Variants in RARB observed in about 807,000 individuals in gnomAD.
RARB encodes the protein HBV-activated protein.
In RARB, 17 loss-of-function variants were observed where a neutral mutation model predicts 51.9. The ratio of observed to expected loss-of-function variants is 0.33; its 90% CI spans 0.22 to 0.49. The LOEUF (loss-of-function observed/expected upper bound fraction) is 0.49. RARB is among the 20% of genes least tolerant of loss of function. The probability of loss-of-function intolerance (pLI) is 0.99; values close to 1 mark genes in which losing one functional copy is unlikely to be tolerated. For synonymous variants in RARB, 215 were observed against 195.4 expected (o/e 1.10, Z -0.84); for missense variants, 369 against 550.8 (o/e 0.67, Z 3.30).
intron 2 of RARB, among the ~76,000 whole-genome samples, chr3:24,947,634 G>A (rs1695803302): frequency 1.3e-5 from 2 of 152,302 alleles, no homozygotes; most frequent in South Asian, 4.2e-4. Context: ...ACAGTGGTAT[G>A]TGTCAAAGAT....
intron 2 of RARB, among the ~76,000 whole-genome samples, chr3:25,478,440 T>C (rs936899165): frequency 1.3e-5 from 2 of 152,324 alleles, no homozygotes. Context: ...TATGCATCTC[T>C]GTGCCCTCGG....
chr3:25,577,826 T>G (rs1390513133), intron 4 of RARB, among the ~76,000 whole-genome samples: 4 of 152,118 alleles, frequency 2.6e-5, no homozygotes. Flanking sequence ...TGGGCTTTTC[T>G]GCTGCTTAAG....
intron 3 of RARB, among the ~76,000 whole-genome samples, chr3:25,531,477 G>A (rs775338630): frequency 4.6e-5 from 7 of 152,110 alleles, no homozygotes; most frequent in Middle Eastern, 3.2e-3. Flanking sequence ...GTGTGCGTGC[G>A]TGTGTATATC....
At chr3:24,844,248 C>T (rs920864073) in intron 1 of RARB, among the ~76,000 whole-genome samples, 2 of 152,212 alleles carry the variant, frequency 1.3e-5, no homozygotes, top group Non-Finnish European at 2.9e-5. Context: ...AAAGCTGTCA[C>T]ATGCGTGCAG....
Position 25,400,036 on chromosome 3 carries a change from A to G in RARB, c.179-61157A>G, listed in dbSNP as rs148064170. Among the ~76,000 whole-genome samples the G allele has an allele frequency of 4.7e-3, 717 of 152,356 alleles. 3 individuals are homozygous for G. Among genetic ancestry groups the G allele is most frequent in the African/African-American group, 0.017 (686 of 41,572 alleles). ...CTAAAGAGTTAATGAGGTAATATAT[A>G]TAATATGCTTAGAATAATGCCAGGC... On this transcript the variant is annotated intron_variant, in intron 5 of 11. Coordinates refer to the RARB transcript ENST00000383772.
At position 25,140,775 on chromosome 3, in the gene RARB, C is replaced by A. The variant is rs545717984; in HGVS notation, c.-280+8567C>A. ...AGGGTATAGAAAACTTCATTATTAT[C>A]TTTTTTTAAGAAATTGCCACAGCCA... On this transcript the variant is annotated intron_variant, in intron 4 of 11. Transcript: ENST00000383772. 2.0e-3 allele frequency among the ~76,000 whole-genome samples: 302 copies of A among 152,142 alleles called. 1 individual carries two copies. The highest frequency in any genetic ancestry group is 7.1e-3 in the African/African-American group (294 of 41,506).
chr3:25,432,602 G>A (rs1017785015), intron 1 of RARB, among the ~76,000 whole-genome samples: 3 of 152,024 alleles, frequency 2.0e-5, no homozygotes, highest in South Asian at 2.1e-4. Flanking sequence ...TCTCTAAAGC[G>A]TAAGAATAAA....
At chr3:25,423,243 G>A (rs942420377) in intron 5 of RARB, among the ~76,000 whole-genome samples, 8 of 152,196 alleles carry the variant, frequency 5.3e-5, no homozygotes, top group East Asian at 1.9e-4. Context: ...TCCAGCAGAC[G>A]TATTGGTGCA....
At chr3:25,337,160 C>T (rs536480105) in intron 5 of RARB, among the ~76,000 whole-genome samples, 20 of 152,192 alleles carry the variant, frequency 1.3e-4, no homozygotes, top group African/African-American at 4.8e-4. Context: ...GTACATTTTG[C>T]TCATCTATGG....
intron 5 of RARB, among the ~76,000 whole-genome samples, chr3:25,581,194 T>C (rs1307369302): frequency 2.6e-5 from 4 of 152,204 alleles, no homozygotes; most frequent in African/African-American, 9.7e-5. Flanking sequence ...AGTGCGTTCG[T>C]GTGCTTAATT....
At chr3:25,044,971 C>G (rs1698184117) in intron 2 of RARB, among the ~76,000 whole-genome samples, 1 of 152,192 alleles carries the variant, frequency 6.6e-6, no homozygotes, top group African/African-American at 2.4e-5. Flanking sequence ...ACCTTACAAT[C>G]AAAGTCCTCC....
chr3:25,172,786 T>C (rs1700669508), intron 4 of RARB, among the ~76,000 whole-genome samples: 1 of 152,238 alleles, frequency 6.6e-6, no homozygotes, highest in South Asian at 2.1e-4. Context: ...ACCAAGCGTT[T>C]ACTATTTACC....
intron 5 of RARB, among the ~76,000 whole-genome samples, chr3:25,380,153 G>A (rs143051026): frequency 6.6e-6 from 1 of 152,250 alleles, no homozygotes; most frequent in East Asian, 1.9e-4. Flanking sequence ...TAATGGGAAA[G>A]GGAAAGAATA....
intron 5 of RARB, among the ~76,000 whole-genome samples, chr3:25,338,610 GA>G (rs2125449369): frequency 6.6e-6 from 1 of 152,078 alleles, no homozygotes; most frequent in African/African-American, 2.4e-5. Flanking sequence ...AAGTTCAAAA[GA>G]AAAGATTCAG....
chr3:25,552,937 C>T (rs543772869), intron 3 of RARB, among the ~76,000 whole-genome samples: 2 of 152,152 alleles, frequency 1.3e-5, no homozygotes, highest in East Asian at 1.9e-4. Flanking sequence ...AATATAAATA[C>T]GTATTCCAGT....
At chr3:25,367,683 G>A (rs1026956461) in intron 5 of RARB, among the ~76,000 whole-genome samples, 7 of 150,428 alleles carry the variant, frequency 4.7e-5, no homozygotes, top group Admixed American at 2.0e-4. Context: ...AAAATTAGCC[G>A]CATATGGGGG....
chr3:25,393,020 T>G (rs1707014714), intron 5 of RARB, among the ~76,000 whole-genome samples: 1 of 152,146 alleles, frequency 6.6e-6, no homozygotes, highest in Non-Finnish European at 1.5e-5. Flanking sequence ...ATGTTGGCTG[T>G]GGGTTTGTCA....
intron 5 of RARB, among the ~76,000 whole-genome samples, chr3:25,382,714 C>T (rs1484590565): frequency 6.6e-6 from 1 of 152,020 alleles, no homozygotes; most frequent in Admixed American, 6.6e-5. Flanking sequence ...AAGAATTAGC[C>T]GGGTGTGGCG....
chr3:25,171,440 ATTTTT>A (rs1157902711), intron 4 of RARB, among the ~76,000 whole-genome samples: 26 of 32,214 alleles, frequency 8.1e-4, no homozygotes, highest in African/African-American at 3.9e-3. Flanking sequence ...CGACACATTG[ATTTTT>A]TTTTTTTTTT....
Sources: allele counts gnomAD v4.1 joint callset (sites outside exome capture counted in the v4.1 genomes callset), GRCh38; gene constraint gnomAD v4.1.1; transcripts MANE v1.5; gene names NCBI Gene and HGNC (gene_info 2026-07-23, HGNC 2026-07-21).